Variants in ATP13A2 observed in about 807,000 individuals in gnomAD.
ATP13A2 encodes ATPase cation transporting 13A2.
Under a neutral mutation model 138.3 loss-of-function variants are expected in ATP13A2, and 83 were observed. The observed-to-expected ratio is 0.60, with a 90% CI of 0.50 to 0.72. The LOEUF (loss-of-function observed/expected upper bound fraction) is 0.72, where lower values mean the gene tolerates loss of function less well. ATP13A2 is among the 30% of genes least tolerant of loss of function. ATP13A2 has a pLI of 0.00. For synonymous variants in ATP13A2, 663 were observed against 699.0 expected (o/e 0.95, Z 0.81); for missense variants, 1,402 against 1,606.4 (o/e 0.87, Z 2.17).
chr1:16,992,073 C>T lies in ATP13A2; in HGVS notation c.2062G>A (p.Val688Met), dbSNP rs1301176534. Residue 688 changes from valine (V) to methionine (M), a missense_variant, in exon 19 of 29, where the codon GTG becomes ATG. By Grantham distance (21) the Val-to-Met change is conservative (BLOSUM62 1). Transcript: ENST00000326735. ...QSYTAAGYRV[V>M]ALASKPLPTV... ...GGCAGTGGCTTGCTGGCCAGGGCCA[C>T]GACACGGTAGCCAGCAGCTGTATAG... is the stretch of plus-strand genomic sequence containing the variant. 11 of 1,613,160 alleles carry T rather than the reference C, an allele frequency of 6.8e-6. No homozygotes were observed. In the Admixed American group the frequency reaches 1.0e-4, roughly 15 times the overall value.
chr1:16,989,548 C>G (rs1225873731), intron 23 of ATP13A2, 143 bp downstream of exon 23: 3 of 786,886 alleles, frequency 3.8e-6, no homozygotes, highest in Non-Finnish European at 4.4e-6. Context: ...CCTGGGAGAG[C>G]CTGCCTGCTT....
Position 17,004,964 on chromosome 1 carries a change from G to T in ATP13A2, c.347+50C>A. The stretch of plus-strand genomic sequence containing the variant: ...GGGGCCGAGGGTTGGGGAAGTTGGG[G>T]AGGCCAGGGTAGCAGGGGCTTCTGG... On this transcript the variant is annotated intron_variant, in intron 4 of 28. Coordinates refer to ENST00000326735, the MANE Select transcript of ATP13A2 (RefSeq NM_022089.4). The surrounding 1 kb of genome is among the most constrained non-coding windows in gnomAD (Gnocchi z 4.1). 2 of 1,612,612 alleles carry T rather than the reference G, an allele frequency of 1.2e-6. No homozygotes were observed. The highest frequency in any genetic ancestry group is 1.7e-6 in the Non-Finnish European group (2 of 1,179,614).
At chr1:17,003,666 CTTTT>C (rs71006407) in intron 6 of ATP13A2, among the ~76,000 whole-genome samples, 2 of 129,806 alleles carry the variant, frequency 1.5e-5, no homozygotes, top group Admixed American at 7.8e-5. Context: ...GTTTCTTTTT[CTTTT>C]TTTTTTTTTT....
intron 1 of ATP13A2, among the ~76,000 whole-genome samples, chr1:17,006,102 C>T (rs2077550162): frequency 6.6e-6 from 1 of 152,048 alleles, no homozygotes; most frequent in South Asian, 2.1e-4. Context: ...ACCACTGCAC[C>T]CCTGCCTGAG....
chr1:17,003,572 C>T (rs932018699), intron 6 of ATP13A2, among the ~76,000 whole-genome samples: 5 of 138,042 alleles, frequency 3.6e-5, no homozygotes, highest in Non-Finnish European at 6.2e-5. Context: ...AACAAACAAA[C>T]AAACCAAAAA....
At chr1:17,002,454 TG>T (rs2077397036) in intron 6 of ATP13A2, 81 bp from the exon 7 acceptor site, 4 of 1,496,210 alleles carry the variant, frequency 2.7e-6, no homozygotes, top group Non-Finnish European at 9.1e-7. Context: ...CTGGAGACTA[TG>T]GGCTCTAGGC....
At position 16,990,081 on chromosome 1, in the gene ATP13A2, T is replaced by G. The variant is rs751615609; in HGVS notation, c.2412+46A>C. 1.9e-6 allele frequency: 3 copies of G among 1,613,644 alleles called. No homozygotes were observed. In the South Asian group the frequency reaches 3.3e-5, roughly 18 times the overall value. Reference sequence around the variant, plus strand: ...GGGCCTGGGTCAGGTGACACAGGGGTGGGGTCACTGGGTGAGGTACAGCTG... The same window carrying G: ...GGGCCTGGGTCAGGTGACACAGGGGGGGGGTCACTGGGTGAGGTACAGCTG... On this transcript the variant is annotated intron_variant, in intron 21 of 28. Coordinates refer to ENST00000326735, the MANE Select transcript of ATP13A2 (RefSeq NM_022089.4).
chr1:16,986,211 T>C lies in ATP13A2; in HGVS notation c.*10A>G, dbSNP rs769863985. On this transcript the variant is annotated 3_prime_UTR_variant, in exon 29 of 29. Transcript: ENST00000326735. This position sits in a 1 kb window ranked among gnomAD's most constrained non-coding sequence, Gnocchi z 6.9. ...GGAGTTCCAGTGTCTGGGGTGCCCG[T>C]GGGCCTGCACTACCTCAGGGGGCCG... 1.9e-6 allele frequency: 3 copies of C among 1,612,376 alleles called. No homozygotes were observed. The Admixed American group carries it at 5.0e-5, about 27-fold the overall frequency.
chr1:16,988,187 A>G lies in ATP13A2; in HGVS notation c.2810T>C (p.Met937Thr). Residue 937 changes from methionine to threonine, a missense_variant, in exon 25 of 29, where the codon ATG becomes ACG. Transcript: ENST00000326735. ...GAACTGGGTCAGGCTGTACAGAGCC[A>G]TGTACTTGAAGACGCTGAACGAAGT... The part of the protein sequence containing the change: ...LDTSFSVFKY[M>T]ALYSLTQFIS... 1 of 1,614,194 alleles carries G rather than the reference A, an allele frequency of 6.2e-7. No individual in the cohort carries two copies. Among genetic ancestry groups the G allele is most frequent in the Non-Finnish European group, 8.5e-7 (1 of 1,180,022 alleles).
chr1:16,986,370 A>G lies in ATP13A2; in HGVS notation c.3406-12T>C. On this transcript the variant is annotated splice_polypyrimidine_tract_variant and intron_variant, in intron 28 of 28. Transcript: ENST00000326735. This position sits in a 1 kb window ranked among gnomAD's most constrained non-coding sequence, Gnocchi z 6.9. ...TGGTCTAGCACGCTCTGCAAAGGGC[A>G]GGGAGGGTGTCAGGGGCAGCCGGGG... is the stretch of plus-strand genomic sequence containing the variant. 1 of 1,585,500 alleles carries G rather than the reference A, an allele frequency of 6.3e-7. No individual in the cohort carries two copies. The highest frequency in any genetic ancestry group is 8.6e-7 in the Non-Finnish European group (1 of 1,168,728).
chr1:16,991,987 G>A, intron 19 of ATP13A2, 22 bp downstream of exon 19: 14 of 1,610,822 alleles, frequency 8.7e-6, no homozygotes, highest in Non-Finnish European at 1.2e-5. Context: ...CTCAGAGTGG[G>A]TGGGACAGGA....
intron 8 of ATP13A2, 136 bp downstream of exon 8, chr1:17,001,898 G>T: frequency 1.1e-6 from 1 of 889,696 alleles, no homozygotes; most frequent in Non-Finnish European, 1.7e-6. Flanking sequence ...GGCAGGTTCT[G>T]AGATGACGAT....
At chr1:16,988,264 C>G in intron 24 of ATP13A2, 30 bp from the exon 25 acceptor site, 1 of 1,614,174 alleles carries the variant, frequency 6.2e-7, no homozygotes, top group Middle Eastern at 1.6e-4. Flanking sequence ...CATTAGGGGA[C>G]CCAGGTTGGC....
rs749175356 is a variant in ATP13A2, at chr1:17,005,569, C to T, written c.106-13G>A. On this transcript the variant is annotated splice_polypyrimidine_tract_variant and intron_variant, in intron 2 of 28. Transcript: ENST00000326735. ...AGCCGCTGAGCCTCTGCGAACGCAG[C>T]GAGAGAGGGCCCAGGTCGGGGTGGG... 14 of 1,614,206 alleles carry T rather than the reference C, an allele frequency of 8.7e-6. No homozygotes were observed. In the Middle Eastern group the frequency reaches 4.9e-4, roughly 57 times the overall value.
intron 12 of ATP13A2, chr1:16,996,794 C>T (rs555782333): frequency 5.6e-5 from 37 of 656,738 alleles, no homozygotes; most frequent in Admixed American, 7.7e-5. Context: ...GTAACCCCGG[C>T]GGCTCCTCCA....
chr1:17,010,547 T>G (rs558453818), intron 1 of ATP13A2, among the ~76,000 whole-genome samples: 2 of 152,330 alleles, frequency 1.3e-5, no homozygotes, highest in African/African-American at 4.8e-5. Flanking sequence ...TGTGAATCCC[T>G]TGTCCAGGGT....
rs758564795 is a variant in ATP13A2, at chr1:16,992,063, G to C, written c.2072C>G (p.Ala691Gly). 1 of 1,613,284 alleles carries C rather than the reference G, an allele frequency of 6.2e-7. No individual in the cohort carries two copies. The highest frequency in any genetic ancestry group is 2.2e-5 in the East Asian group (1 of 44,878). The change falls in exon 19 of 29, where the codon GCC becomes GGC. Residue 691 changes from alanine to glycine, a missense_variant. By Grantham distance (60) the Ala-to-Gly change is moderately conservative (BLOSUM62 0). Transcript: ENST00000326735. ...GGGCACAGTGGGCAGTGGCTTGCTG[G>C]CCAGGGCCACGACACGGTAGCCAGC... ...TAAGYRVVAL[A>G]SKPLPTVPSL...
chr1:17,000,568 C>A (rs1281793907), intron 8 of ATP13A2, 34 bp from the exon 9 acceptor site: 7 of 1,606,098 alleles, frequency 4.4e-6, no homozygotes, highest in Non-Finnish European at 5.1e-6. Flanking sequence ...GTCAGGGCCG[C>A]GTCCCCCAGG....
intron 3 of ATP13A2, 33 bp downstream of exon 3, chr1:17,005,341 C>A: frequency 6.4e-7 from 1 of 1,568,758 alleles, no homozygotes; most frequent in Non-Finnish European, 8.6e-7. Flanking sequence ...CCTCACTGCG[C>A]TTCTCTAGCC....
Sources: allele counts gnomAD v4.1 joint callset (sites outside exome capture counted in the v4.1 genomes callset), GRCh38; gene constraint gnomAD v4.1.1; non-coding constraint Gnocchi (gnomAD v3.1); transcripts MANE v1.5; gene names NCBI Gene and HGNC (gene_info 2026-07-23, HGNC 2026-07-21).